ZHX2: variants seen among roughly 807,000 people sequenced by gnomAD.
The protein encoded by ZHX2 is zinc fingers and homeoboxes 2.
Under a neutral mutation model 21.9 loss-of-function variants are expected in ZHX2, and 6 were observed. That is an observed-to-expected ratio of 0.27 (90% CI 0.15 to 0.54). The LOEUF (loss-of-function observed/expected upper bound fraction) is 0.54, where lower values mean the gene tolerates loss of function less well. Among genes scored for constraint, ZHX2 ranks in the 20% least tolerant of loss-of-function variants. The pLI is 0.95. For missense variants in ZHX2, 908 were observed against 1,090.7 expected, an observed-to-expected ratio of 0.83 and a Z score of 2.36; for synonymous variants, 434 against 437.1, an observed-to-expected ratio of 0.99 and a Z score of 0.09.
At chr8:122,932,586 C>T (rs941610348) in intron 2 of ZHX2, among the ~76,000 whole-genome samples, 39 of 152,292 alleles carry the variant, frequency 2.6e-4, no homozygotes, top group East Asian at 2.1e-3. Context: ...GCTGAGATCG[C>T]GCCATTGTAC....
intron 1 of ZHX2, among the ~76,000 whole-genome samples, chr8:122,856,962 T>C (rs575204485): frequency 3.9e-5 from 6 of 152,176 alleles, no homozygotes; most frequent in South Asian, 2.1e-4. Flanking sequence ...CTGGCTCTGC[T>C]CTTTCTCTGG....
chr8:122,968,337 C>G (rs1043945054), intron 3 of ZHX2, among the ~76,000 whole-genome samples: 28 of 152,116 alleles, frequency 1.8e-4, no homozygotes, highest in Non-Finnish European at 1.5e-4. Context: ...CTTCAAACCA[C>G]GCAGGGAAGG....
At chr8:122,880,714 G>T (rs995646170) in intron 2 of ZHX2, among the ~76,000 whole-genome samples, 3 of 125,068 alleles carry the variant, frequency 2.4e-5, no homozygotes, top group African/African-American at 5.4e-5. Flanking sequence ...GGCTGAGGTT[G>T]CAGTGAGCCA....
intron 2 of ZHX2, among the ~76,000 whole-genome samples, chr8:122,879,233 A>G (rs976155056): frequency 6.6e-6 from 1 of 152,170 alleles, no homozygotes; most frequent in Non-Finnish European, 1.5e-5. Flanking sequence ...TTTGAGACAG[A>G]GTCTCGCTCT....
chr8:122,972,617 A>G (rs190365823), intron 3 of ZHX2, among the ~76,000 whole-genome samples: 10 of 152,328 alleles, frequency 6.6e-5, no homozygotes, highest in African/African-American at 1.2e-4. Flanking sequence ...TCACTCTTCT[A>G]TATCCTACCA....
At chr8:122,940,239 A>G (rs1812808035) in intron 2 of ZHX2, among the ~76,000 whole-genome samples, 1 of 152,196 alleles carries the variant, frequency 6.6e-6, no homozygotes, top group African/African-American at 2.4e-5. Context: ...GTGAGCACTA[A>G]TGCTGAGCAC....
At chr8:122,812,051 A>G (rs1378343089) in intron 1 of ZHX2, 3 of 152,220 alleles carry the variant, frequency 2.0e-5, no homozygotes, top group Admixed American at 2.0e-4. Flanking sequence ...TATGCTAGAA[A>G]GCGGTCATTG....
intron 2 of ZHX2, among the ~76,000 whole-genome samples, chr8:122,880,928 A>G (rs1819700391): frequency 6.6e-6 from 1 of 152,192 alleles, no homozygotes; most frequent in Non-Finnish European, 1.5e-5. Context: ...AAGTCAAGTT[A>G]GAGAACCCTG....
intron 2 of ZHX2, among the ~76,000 whole-genome samples, chr8:122,877,401 C>G (rs1489990025): frequency 1.3e-5 from 2 of 152,144 alleles, no homozygotes; most frequent in Non-Finnish European, 2.9e-5. Context: ...TACTCCATCC[C>G]AGGCACTATG....
At chr8:122,957,033 C>T (rs1290993402) in intron 3 of ZHX2, among the ~76,000 whole-genome samples, 1 of 152,230 alleles carries the variant, frequency 6.6e-6, no homozygotes, top group South Asian at 2.1e-4. Context: ...GAATGATGAA[C>T]GAAGGTCGCC....
At chr8:122,912,835 G>A (rs1490043493) in intron 2 of ZHX2, among the ~76,000 whole-genome samples, 1 of 152,006 alleles carries the variant, frequency 6.6e-6, no homozygotes, top group Non-Finnish European at 1.5e-5. Flanking sequence ...CAACCAAGAA[G>A]AGGTAGGAAT....
At chr8:122,902,196 A>G (rs1820249955) in intron 2 of ZHX2, among the ~76,000 whole-genome samples, 1 of 152,194 alleles carries the variant, frequency 6.6e-6, no homozygotes, top group South Asian at 2.1e-4. Context: ...CTGAACCAAC[A>G]TGTATTACAG....
At chr8:122,871,728 C>CAAAAAAAA (rs35881741) in intron 2 of ZHX2, among the ~76,000 whole-genome samples, 1 of 107,966 alleles carries the variant, frequency 9.3e-6, no homozygotes, top group Non-Finnish European at 1.8e-5. Flanking sequence ...TTTCTCAGGG[C>CAAAAAAAA]AAAAAAAAAA....
At chr8:122,862,214 A>G (rs1819184741) in intron 1 of ZHX2, among the ~76,000 whole-genome samples, 1 of 152,060 alleles carries the variant, frequency 6.6e-6, no homozygotes, top group Non-Finnish European at 1.5e-5. Flanking sequence ...AGCCACTCCC[A>G]CAAAGCCAGG....
chr8:122,935,863 C>A lies in ZHX2; in HGVS notation c.-219-15429C>A, dbSNP rs542624874. On this transcript the variant is annotated intron_variant, in intron 2 of 3. Coordinates refer to ENST00000314393, the MANE Select transcript of ZHX2 (RefSeq NM_014943.5). ...AGTCACTCTTTAGTCACCATCACAT[C>A]ATTTTGAAAACCTCTCTGCATAGCA... Among the ~76,000 whole-genome samples the A allele has an allele frequency of 2.6e-5, 4 of 152,194 alleles. No individual in the cohort carries two copies. The South Asian group carries it at 8.3e-4, about 32-fold the overall frequency.
chr8:122,854,371 C>T (rs1176674828), intron 1 of ZHX2, among the ~76,000 whole-genome samples: 1 of 152,190 alleles, frequency 6.6e-6, no homozygotes, highest in Non-Finnish European at 1.5e-5. Context: ...CATTCAGGCA[C>T]TTCCTTTATT....
At chr8:122,841,267 GCGGGAAGTCAGC>G (rs758635188) in intron 1 of ZHX2, among the ~76,000 whole-genome samples, 16 of 152,178 alleles carry the variant, frequency 1.1e-4, no homozygotes, top group Admixed American at 5.9e-4. Context: ...CCTGGGGATA[GCGGGAAGTCAGC>G]CGGTGACTTC....
intron 1 of ZHX2, among the ~76,000 whole-genome samples, chr8:122,783,126 G>T (rs1817326570): frequency 6.6e-6 from 1 of 152,192 alleles, no homozygotes; most frequent in South Asian, 2.1e-4. Context: ...AAGCCAAATT[G>T]TGATTTGTTC....
Sources: gnomAD v4.1 joint callset for allele counts (sites outside exome capture counted in the v4.1 genomes callset) on GRCh38, gnomAD v4.1.1 for gene constraint, MANE v1.5 for transcripts, NCBI Gene and HGNC (gene_info 2026-07-23, HGNC 2026-07-21) for gene names.